Variants in NUAK1 observed in about 807,000 individuals in gnomAD.
NUAK1 encodes NUAK family SNF1-like kinase 1.
NUAK1 carries 26 observed loss-of-function variants against 56.9 expected under a neutral mutation model. That is an observed-to-expected ratio of 0.46 (90% CI 0.33 to 0.63). The LOEUF (loss-of-function observed/expected upper bound fraction) is 0.63, where lower values mean the gene tolerates loss of function less well. Among genes scored for constraint, NUAK1 ranks in the 30% least tolerant of loss-of-function variants. The pLI is 0.02. For missense variants in NUAK1, 727 were observed against 876.1 expected (o/e 0.83, Z 2.15); for synonymous variants, 337 against 336.0 (o/e 1.00, Z -0.03).
At chr12:106,133,598 T>C (rs1358525181) in intron 1 of NUAK1, among the ~76,000 whole-genome samples, 1 of 152,210 alleles carries the variant, frequency 6.6e-6, no homozygotes, top group Non-Finnish European at 1.5e-5. Context: ...GTCTCACTAT[T>C]TTACACCTCA....
At chr12:106,125,155 G>A (rs1459770189) in intron 1 of NUAK1, among the ~76,000 whole-genome samples, 1 of 152,188 alleles carries the variant, frequency 6.6e-6, no homozygotes, top group Non-Finnish European at 1.5e-5. Flanking sequence ...AGCTTAAGTT[G>A]TGGCAGTGAT....
intron 6 of NUAK1, among the ~76,000 whole-genome samples, chr12:106,069,754 G>C (rs1013870724): frequency 1.3e-5 from 2 of 152,144 alleles, no homozygotes; most frequent in Non-Finnish European, 2.9e-5. Context: ...TAACTACTAT[G>C]AATGAGAATC....
chr12:106,068,153 C>G (rs2032365110), intron 6 of NUAK1, among the ~76,000 whole-genome samples, 198 bp from the exon 7 acceptor site: 1 of 152,156 alleles, frequency 6.6e-6, no homozygotes, highest in Non-Finnish European at 1.5e-5. Flanking sequence ...AGACTTGGAA[C>G]CACAGGCCAG....
At chr12:106,083,835 C>CA in intron 4 of NUAK1, 29 bp downstream of exon 4, 1 of 1,604,780 alleles carries the variant, frequency 6.2e-7, no homozygotes, top group South Asian at 1.1e-5. Context: ...CCAGGCCCTG[C>CA]ATATCAATCG....
At chr12:106,088,531 T>C (rs2032598912) in intron 2 of NUAK1, among the ~76,000 whole-genome samples, 1 of 152,190 alleles carries the variant, frequency 6.6e-6, no homozygotes, top group South Asian at 2.1e-4. Context: ...AGCTAAAAAC[T>C]ATAGTGTTGG....
intron 2 of NUAK1, among the ~76,000 whole-genome samples, chr12:106,090,647 A>C (rs1221840366): frequency 6.6e-6 from 1 of 152,122 alleles, no homozygotes; most frequent in Non-Finnish European, 1.5e-5. Context: ...CTACTCATAT[A>C]TATCAACCCC....
At chr12:106,109,830 T>C (rs2032840584) in intron 1 of NUAK1, among the ~76,000 whole-genome samples, 1 of 152,170 alleles carries the variant, frequency 6.6e-6, no homozygotes, top group African/African-American at 2.4e-5. Flanking sequence ...TGCTCAAGAA[T>C]ACACCTGGGC....
At chr12:106,112,720 T>C (rs2032874824) in intron 1 of NUAK1, among the ~76,000 whole-genome samples, 1 of 152,108 alleles carries the variant, frequency 6.6e-6, no homozygotes, top group Non-Finnish European at 1.5e-5. Flanking sequence ...CCTACATGAA[T>C]GTATTTCAGA....
At chr12:106,121,932 A>G (rs2032981856) in intron 1 of NUAK1, among the ~76,000 whole-genome samples, 1 of 152,212 alleles carries the variant, frequency 6.6e-6, no homozygotes, top group African/African-American at 2.4e-5. Flanking sequence ...AAGTAGCAAA[A>G]GTGAGGAAAA....
chr12:106,138,664 G>C lies in NUAK1; in HGVS notation c.-11C>G, dbSNP rs779503263. 2.2e-5 allele frequency: 33 copies of C among 1,508,362 alleles called. No individual in the cohort carries two copies. The highest frequency in any genetic ancestry group is 4.8e-4 in the Middle Eastern group (2 of 4,176). 93.4% of individuals were successfully genotyped at this position (1,508,362 alleles called of 1,614,324 possible). On this transcript the variant is annotated 5_prime_UTR_variant, in exon 1 of 7. Transcript: ENST00000261402. The surrounding 1 kb of genome is among the most constrained non-coding windows in gnomAD (Gnocchi z 5.0). ...GGCGGCCCCTTCCATGTCCAAGCGC[G>C]GGGCGAGCCGGGCTACAGAGGGCAA...
chr12:106,085,653 C>G (rs1039260214), intron 3 of NUAK1, among the ~76,000 whole-genome samples: 13 of 152,136 alleles, frequency 8.5e-5, no homozygotes, highest in Non-Finnish European at 1.6e-4. Flanking sequence ...TATCTGTGTA[C>G]TTTATGCCTT....
chr12:106,133,471 T>C (rs1374212138), intron 1 of NUAK1, among the ~76,000 whole-genome samples: 1 of 152,158 alleles, frequency 6.6e-6, no homozygotes, highest in Non-Finnish European at 1.5e-5. Context: ...TCAATTCCTC[T>C]AGCAGCATTG....
intron 1 of NUAK1, among the ~76,000 whole-genome samples, chr12:106,127,148 G>A (rs73193870): frequency 0.044 from 6,697 of 152,152 alleles, 235 homozygotes; most frequent in Admixed American, 0.067. Context: ...GAGGTTCTTT[G>A]AGGATGAGCA....
At position 106,138,547 on chromosome 12, in the gene NUAK1, G is replaced by A; in HGVS notation, c.107C>T (p.Pro36Leu). The change falls in exon 1 of 7, where the codon CCC (proline) becomes CTC (leucine). Residue 36 changes from proline (P) to leucine (L), a missense_variant. Physicochemically the swap from Pro to Leu is moderately conservative, Grantham distance 98. Transcript: ENST00000261402. This position sits in a 1 kb window ranked among gnomAD's most constrained non-coding sequence, Gnocchi z 5.0. ...AVAGATAALEPRKPHGVKRHH... is the reference protein window; with the variant it reads ...AVAGATAALELRKPHGVKRHH... ...CCGCTTCACCCCGTGCGGCTTCCTG[G>A]GCTCCAGGGCTGCAGTCGCCCCCGC... 3 of 1,611,006 alleles carry A rather than the reference G, an allele frequency of 1.9e-6. No individual in the cohort carries two copies. Among genetic ancestry groups the A allele is most frequent in the Non-Finnish European group, 2.5e-6 (3 of 1,179,564 alleles).
At chr12:106,097,842 T>C (rs1401309887) in intron 2 of NUAK1, among the ~76,000 whole-genome samples, 1 of 152,200 alleles carries the variant, frequency 6.6e-6, no homozygotes, top group Non-Finnish European at 1.5e-5. Flanking sequence ...GGTCTGGGGC[T>C]ACCCTTTGAG....
chr12:106,126,462 A>C (rs1231094774), intron 1 of NUAK1, among the ~76,000 whole-genome samples: 1 of 152,202 alleles, frequency 6.6e-6, no homozygotes. Flanking sequence ...CATCATCCCC[A>C]AGTTACAAAC....
intron 4 of NUAK1, 89 bp from the exon 5 acceptor site, chr12:106,072,932 T>C (rs966433468): frequency 9.2e-5 from 136 of 1,481,132 alleles, no homozygotes; most frequent in Admixed American, 3.7e-4. Flanking sequence ...GCACACAGAG[T>C]GGATGAAGGG....
At chr12:106,096,975 TC>T (rs1488864369) in intron 2 of NUAK1, among the ~76,000 whole-genome samples, 1 of 152,194 alleles carries the variant, frequency 6.6e-6, no homozygotes, top group African/African-American at 2.4e-5. Flanking sequence ...CTGGCCTCAA[TC>T]TTCTCTTCTC....
At chr12:106,115,430 G>A (rs868095866) in intron 1 of NUAK1, among the ~76,000 whole-genome samples, 4 of 152,150 alleles carry the variant, frequency 2.6e-5, no homozygotes, top group Non-Finnish European at 4.4e-5. Context: ...CAATGTACAA[G>A]ACCTATCAGA....
Sources: gnomAD v4.1 joint callset for allele counts (sites outside exome capture counted in the v4.1 genomes callset) on GRCh38, gnomAD v4.1.1 for gene constraint, Gnocchi (gnomAD v3.1) non-coding constraint, MANE v1.5 for transcripts, NCBI Gene and HGNC (gene_info 2026-07-23, HGNC 2026-07-21) for gene names.